The following PTPRM variants were observed in gnomAD, a reference collection of about 807,000 sequenced individuals.
The protein encoded by PTPRM is receptor-type tyrosine-protein phosphatase mu.
In PTPRM, 47 loss-of-function variants were observed where a neutral mutation model predicts 186.7. The ratio of observed to expected loss-of-function variants is 0.25; its 90% CI spans 0.20 to 0.32. The LOEUF (loss-of-function observed/expected upper bound fraction) is 0.32, where lower values mean the gene tolerates loss of function less well. PTPRM is among the 10% of genes least tolerant of loss of function. The probability of loss-of-function intolerance (pLI) is 1.00; values close to 1 mark genes in which losing one functional copy is unlikely to be tolerated. For missense variants in PTPRM, 1,494 were observed against 1,865.0 expected (o/e 0.80, Z 3.66); for synonymous variants, 668 against 674.9 (o/e 0.99, Z 0.16).
intron 2 of PTPRM, among the ~76,000 whole-genome samples, chr18:7,881,412 G>T (rs761967928): frequency 6.6e-6 from 1 of 152,218 alleles, no homozygotes; most frequent in African/African-American, 2.4e-5. Context: ...TCCCACCTGG[G>T]CAACAAGAGC....
At chr18:7,857,073 C>A (rs1310538349) in intron 2 of PTPRM, among the ~76,000 whole-genome samples, 3 of 152,136 alleles carry the variant, frequency 2.0e-5, no homozygotes, top group African/African-American at 7.2e-5. Context: ...GCCATCTCTT[C>A]TGGGAAACAC....
At chr18:8,157,792 G>A (rs576566637) in intron 14 of PTPRM, among the ~76,000 whole-genome samples, 24 of 152,292 alleles carry the variant, frequency 1.6e-4, no homozygotes, top group African/African-American at 5.1e-4. Flanking sequence ...AGTGGGCATG[G>A]CATTGGCATT....
intron 19 of PTPRM, among the ~76,000 whole-genome samples, chr18:8,278,285 T>C (rs1883308543): frequency 6.6e-6 from 1 of 152,260 alleles, no homozygotes; most frequent in South Asian, 2.1e-4. Context: ...GCTGAACTTT[T>C]CTAATATTTT....
chr18:8,124,090 TG>T (rs1247793925), intron 13 of PTPRM, among the ~76,000 whole-genome samples: 1 of 152,182 alleles, frequency 6.6e-6, no homozygotes, highest in Non-Finnish European at 1.5e-5. Flanking sequence ...GTCATTATTT[TG>T]GAGCTAGTCT....
At chr18:7,952,546 A>G (rs1176010313) in intron 6 of PTPRM, among the ~76,000 whole-genome samples, 4 of 152,030 alleles carry the variant, frequency 2.6e-5, no homozygotes, top group Middle Eastern at 3.4e-3. Flanking sequence ...AAAATACAAA[A>G]TTAGCCGGGC....
chr18:7,698,560 A>G (rs2039892332), intron 1 of PTPRM, among the ~76,000 whole-genome samples: 1 of 152,214 alleles, frequency 6.6e-6, no homozygotes, highest in Non-Finnish European at 1.5e-5. Flanking sequence ...ATTGTCTAAA[A>G]TATATTACTG....
intron 7 of PTPRM, among the ~76,000 whole-genome samples, chr18:8,013,346 A>G (rs1049618838): frequency 1.3e-5 from 2 of 152,198 alleles, no homozygotes; most frequent in South Asian, 2.1e-4. Flanking sequence ...CTAATGGCCT[A>G]CTGTTGACCA....
intron 17 of PTPRM, among the ~76,000 whole-genome samples, chr18:8,248,803 TATAATC>T (rs1171641570): frequency 6.6e-6 from 1 of 152,194 alleles, no homozygotes; most frequent in African/African-American, 2.4e-5. Context: ...AGATGGCACT[TATAATC>T]ATATGCTTTA....
intron 1 of PTPRM, among the ~76,000 whole-genome samples, chr18:7,589,743 T>C (rs1356528040): frequency 6.6e-6 from 1 of 152,210 alleles, no homozygotes; most frequent in Non-Finnish European, 1.5e-5. Flanking sequence ...TCATTAATAA[T>C]TAAATGAACA....
intron 7 of PTPRM, among the ~76,000 whole-genome samples, chr18:7,987,983 C>T (rs1193266526): frequency 2.7e-5 from 4 of 146,292 alleles, no homozygotes; most frequent in South Asian, 4.4e-4. Flanking sequence ...TCAGGACCAG[C>T]CTGGACAACA....
intron 2 of PTPRM, among the ~76,000 whole-genome samples, chr18:7,794,121 C>T (rs1195730033): frequency 1.3e-5 from 2 of 152,206 alleles, no homozygotes; most frequent in Admixed American, 1.3e-4. Context: ...AAACCTCGCA[C>T]TCATTCTCCA....
chr18:7,872,099 G>A (rs938863949), intron 2 of PTPRM, among the ~76,000 whole-genome samples: 1 of 152,168 alleles, frequency 6.6e-6, no homozygotes, highest in African/African-American at 2.4e-5. Context: ...TCCGTCATTG[G>A]TGATATAGAT....
At chr18:7,768,892 C>T (rs954843123) in intron 1 of PTPRM, among the ~76,000 whole-genome samples, 5 of 151,948 alleles carry the variant, frequency 3.3e-5, no homozygotes, top group Admixed American at 6.6e-5. Context: ...GTGATCTGCC[C>T]GCCCCAGCCT....
At chr18:8,156,555 T>C (rs746847781) in intron 14 of PTPRM, among the ~76,000 whole-genome samples, 8 of 152,150 alleles carry the variant, frequency 5.3e-5, no homozygotes, top group East Asian at 3.9e-4. Context: ...AACCCAGCAG[T>C]TGGAGAACTT....
intron 14 of PTPRM, among the ~76,000 whole-genome samples, chr18:8,146,663 C>T: frequency 6.6e-6 from 1 of 152,150 alleles, no homozygotes; most frequent in East Asian, 1.9e-4. Flanking sequence ...TTAATTAGAT[C>T]TCATTTGTCA....
At chr18:7,729,268 A>G (rs1266770126) in intron 1 of PTPRM, among the ~76,000 whole-genome samples, 1 of 152,126 alleles carries the variant, frequency 6.6e-6, no homozygotes, top group African/African-American at 2.4e-5. Context: ...TTGTACATCA[A>G]GGTAATAAAT....
intron 7 of PTPRM, among the ~76,000 whole-genome samples, chr18:8,048,598 A>T (rs1419065137): frequency 6.6e-6 from 1 of 151,862 alleles, no homozygotes; most frequent in Non-Finnish European, 1.5e-5. Flanking sequence ...AAAAAAAAAA[A>T]GTTGGTAGTG....
intron 14 of PTPRM, among the ~76,000 whole-genome samples, chr18:8,178,680 G>A (rs543476914): frequency 1.4e-4 from 22 of 151,998 alleles, no homozygotes; most frequent in Admixed American, 7.2e-4. Context: ...CCAGCTACTC[G>A]GGAAGCTAAG....
chr18:8,239,283 A>T (rs1187614739), intron 14 of PTPRM, among the ~76,000 whole-genome samples: 1 of 151,572 alleles, frequency 6.6e-6, no homozygotes, highest in Non-Finnish European at 1.5e-5. Context: ...ACTGAGAATG[A>T]TGATTTCCAA....
Sources: gnomAD v4.1 joint callset for allele counts (sites outside exome capture counted in the v4.1 genomes callset) on GRCh38, gnomAD v4.1.1 for gene constraint, MANE v1.5 for transcripts, NCBI Gene and HGNC (gene_info 2026-07-23, HGNC 2026-07-21) for gene names.